PALS2: variants seen among roughly 807,000 people sequenced by gnomAD.
PALS2 encodes protein associated with LIN7 2, MAGUK p55 family member.
A neutral mutation model predicts 61.6 loss-of-function variants in PALS2; 27 were observed. The ratio of observed to expected loss-of-function variants is 0.44; its 90% CI spans 0.32 to 0.60. The LOEUF is 0.60. Ranked by LOEUF, PALS2 falls within the 20% of genes least tolerant of loss-of-function variation. The pLI is 0.05. For synonymous variants in PALS2, 236 were observed against 218.6 expected (o/e 1.08, Z -0.70); for missense variants, 554 against 639.4 (o/e 0.87, Z 1.44).
intron 3 of PALS2, among the ~76,000 whole-genome samples, chr7:24,648,656 A>T (rs905241858): frequency 5.3e-5 from 8 of 152,232 alleles, no homozygotes; most frequent in African/African-American, 1.7e-4. Context: ...TTAATTAAGA[A>T]ATTCCTTGGG....
chr7:24,680,333 G>T, intron 10 of PALS2, 59 bp from the exon 11 acceptor site: 1 of 1,528,880 alleles, frequency 6.5e-7, no homozygotes, highest in South Asian at 1.1e-5. Flanking sequence ...ATACTAAAGG[G>T]TAGCAGAATT....
At chr7:24,634,752 T>C (rs748313203) in intron 2 of PALS2, among the ~76,000 whole-genome samples, 1 of 152,232 alleles carries the variant, frequency 6.6e-6, no homozygotes, top group Non-Finnish European at 1.5e-5. Flanking sequence ...CACCAACTTC[T>C]GTCTTTTACA....
At chr7:24,624,605 CTTTTTTT>C (rs368160704) in intron 2 of PALS2, among the ~76,000 whole-genome samples, 9 of 86,356 alleles carry the variant, frequency 1.0e-4, no homozygotes, top group Admixed American at 9.8e-4. Flanking sequence ...GCAGATTCTT[CTTTTTTT>C]TTTTTTTTTT....
At chr7:24,637,261 G>A (rs1159244484) in intron 2 of PALS2, among the ~76,000 whole-genome samples, 2 of 146,762 alleles carry the variant, frequency 1.4e-5, no homozygotes, top group Non-Finnish European at 3.0e-5. Flanking sequence ...TTACTCACTA[G>A]AGAATTCCAT....
chr7:24,611,911 G>T (rs1204728250), intron 1 of PALS2, among the ~76,000 whole-genome samples: 1 of 151,866 alleles, frequency 6.6e-6, no homozygotes, highest in African/African-American at 2.4e-5. Flanking sequence ...TAAGTTATAT[G>T]TAGATACCAG....
At position 24,668,646 on chromosome 7, in the gene PALS2, G is replaced by T. The variant is rs778820634; in HGVS notation, c.1100G>T (p.Gly367Val). ...ATAGTATTGAATCCCACTAGATTTGGAACTACGGTGCCATGTAAGTTTTCT... is the reference window on the plus strand; with the variant it reads ...ATAGTATTGAATCCCACTAGATTTGTAACTACGGTGCCATGTAAGTTTTCT... ...RFIVLNPTRF[G>V]TTVPFTSRKP... Residue 367 changes from glycine (G) to valine (V), a missense_variant, in exon 9 of 12, where the codon GGA becomes GTA. Physicochemically the swap from Gly to Val is moderately radical, Grantham distance 109. Coordinates refer to ENST00000222644, the MANE Select transcript of PALS2 (RefSeq NM_001303037.2). 1 of 1,613,848 alleles carries T rather than the reference G, an allele frequency of 6.2e-7. No individual in the cohort carries two copies. The highest frequency in any genetic ancestry group is 1.1e-5 in the South Asian group (1 of 91,052).
At chr7:24,577,101 T>C (rs529857291) in intron 1 of PALS2, among the ~76,000 whole-genome samples, 2 of 152,278 alleles carry the variant, frequency 1.3e-5, no homozygotes, top group South Asian at 4.1e-4. Context: ...CTTCCTTAAT[T>C]ATGATAGACT....
At chr7:24,591,120 G>T (rs1253609975) in intron 1 of PALS2, among the ~76,000 whole-genome samples, 1 of 151,978 alleles carries the variant, frequency 6.6e-6, no homozygotes, top group Non-Finnish European at 1.5e-5. Context: ...ACCTCAGGAG[G>T]GAGGGAACAT....
intron 1 of PALS2, among the ~76,000 whole-genome samples, chr7:24,614,361 A>AT (rs1784217866): frequency 2.0e-5 from 3 of 151,840 alleles, no homozygotes; most frequent in African/African-American, 7.2e-5. Context: ...GTGTTCTGAA[A>AT]CCTGACTAAA....
At chr7:24,680,197 G>A (rs188885757) in intron 10 of PALS2, among the ~76,000 whole-genome samples, 195 bp from the exon 11 acceptor site, 3 of 152,252 alleles carry the variant, frequency 2.0e-5, no homozygotes, top group Admixed American at 6.5e-5. Flanking sequence ...AACAGACTGA[G>A]TTCAAAACAA....
At chr7:24,662,457 T>A (rs915484693) in intron 5 of PALS2, among the ~76,000 whole-genome samples, 1 of 152,176 alleles carries the variant, frequency 6.6e-6, no homozygotes, top group African/African-American at 2.4e-5. Flanking sequence ...TAAATATATA[T>A]AAAACAAGTC....
intron 1 of PALS2, among the ~76,000 whole-genome samples, chr7:24,591,116 G>C (rs2128043349): frequency 6.6e-6 from 1 of 152,132 alleles, no homozygotes; most frequent in South Asian, 2.1e-4. Flanking sequence ...TGGGACCTCA[G>C]GAGGGAGGGA....
rs371744056 is a variant in PALS2, at chr7:24,675,612, G to A, written c.1115-3519G>A. On this transcript the variant is annotated intron_variant, in intron 9 of 11. Transcript: ENST00000222644. ...TGTGTCCATGTGTTCTCATTGTTCA[G>A]TTCCCACCTATGAGTGAGAATATGC... Among the ~76,000 whole-genome samples the A allele has an allele frequency of 2.6e-4, 35 of 136,902 alleles. No individual in the cohort carries two copies. The South Asian group carries it at 6.9e-3, about 27-fold the overall frequency. The allele number at this position is 136,902 out of a possible 152,430, so 89.8% of individuals were successfully genotyped here. A position where few individuals can be genotyped will look rare whatever the true frequency, so the allele number is the denominator to read the frequency against.
chr7:24,592,167 A>G (rs1783313558), intron 1 of PALS2, among the ~76,000 whole-genome samples: 1 of 152,150 alleles, frequency 6.6e-6, no homozygotes, highest in South Asian at 2.1e-4. Context: ...AGTATCGATT[A>G]TTGGATTAAA....
chr7:24,598,626 T>C (rs1414766367), intron 1 of PALS2, among the ~76,000 whole-genome samples: 1 of 152,232 alleles, frequency 6.6e-6, no homozygotes, highest in Non-Finnish European at 1.5e-5. Flanking sequence ...GATAATCTGC[T>C]GTTTCACTGA....
intron 1 of PALS2, among the ~76,000 whole-genome samples, chr7:24,611,913 A>G (rs1784126654): frequency 6.6e-6 from 1 of 151,960 alleles, no homozygotes; most frequent in Non-Finnish European, 1.5e-5. Context: ...AGTTATATGT[A>G]GATACCAGGC....
At chr7:24,669,261 T>C (rs1787181650) in intron 9 of PALS2, among the ~76,000 whole-genome samples, 1 of 152,234 alleles carries the variant, frequency 6.6e-6, no homozygotes, top group South Asian at 2.1e-4. Flanking sequence ...TTATGGTCTT[T>C]GCATTCATTT....
chr7:24,605,108 A>G (rs1027514352), intron 1 of PALS2, among the ~76,000 whole-genome samples: 1 of 152,198 alleles, frequency 6.6e-6, no homozygotes, highest in African/African-American at 2.4e-5. Context: ...GGAACTGCCA[A>G]TCTCTTCATG....
intron 1 of PALS2, among the ~76,000 whole-genome samples, chr7:24,587,153 T>C (rs980512825): frequency 6.6e-6 from 1 of 152,122 alleles, no homozygotes; most frequent in Non-Finnish European, 1.5e-5. Flanking sequence ...AAAAGTTCTT[T>C]AGAGACTACC....
Sources: gnomAD v4.1 joint callset for allele counts (sites outside exome capture counted in the v4.1 genomes callset) on GRCh38, gnomAD v4.1.1 for gene constraint, MANE v1.5 for transcripts, NCBI Gene and HGNC (gene_info 2026-07-23, HGNC 2026-07-21) for gene names.